Variants in LARGE1 observed in about 807,000 individuals in gnomAD.
LARGE1 encodes the protein xylosyl- and glucuronyltransferase LARGE1.
Under a neutral mutation model 87.6 loss-of-function variants are expected in LARGE1, and 43 were observed. That is an observed-to-expected ratio of 0.49 (90% CI 0.38 to 0.63). The LOEUF is 0.63. LARGE1 is among the 30% of genes least tolerant of loss of function. The pLI is 0.00. For missense variants in LARGE1, 802 were observed against 1,000.2 expected (o/e 0.80, Z 2.67); for synonymous variants, 434 against 394.6 (o/e 1.10, Z -1.18).
At chr22:33,433,775 C>A (rs902434981) in intron 6 of LARGE1, among the ~76,000 whole-genome samples, 6 of 152,098 alleles carry the variant, frequency 3.9e-5, no homozygotes, top group African/African-American at 1.4e-4. Flanking sequence ...CCTTTCTGAC[C>A]AAATGGAAGC....
chr22:33,651,223 T>TAAAAAAAAA (rs1371688457), intron 2 of LARGE1, among the ~76,000 whole-genome samples: 1 of 17,146 alleles, frequency 5.8e-5, no homozygotes, highest in Non-Finnish European at 1.1e-4. Context: ...CTACTAAAAA[T>TAAAAAAAAA]ACAAAAAAAA....
At chr22:33,630,998 G>A (rs146641295) in intron 3 of LARGE1, among the ~76,000 whole-genome samples, 3,268 of 151,856 alleles carry the variant, frequency 0.022, 96 homozygotes, top group African/African-American at 0.071. Flanking sequence ...GACTACAGGC[G>A]CCTGCCACCA....
At chr22:33,714,013 TAAC>T (rs2082835033) in intron 2 of LARGE1, among the ~76,000 whole-genome samples, 3 of 151,480 alleles carry the variant, frequency 2.0e-5, no homozygotes, top group African/African-American at 7.3e-5. Flanking sequence ...TAACATAACA[TAAC>T]ATAACATAAC....
At chr22:33,134,345 G>T in the LARGE1 span, among the ~76,000 whole-genome samples, 3 of 145,212 alleles carry the variant, frequency 2.1e-5, no homozygotes, top group African/African-American at 2.6e-5. Context: ...TGCAAGCTCC[G>T]CCTCCCGGGT....
At chr22:33,191,564 G>T (rs1449108979) in intron 11 of LARGE1, among the ~76,000 whole-genome samples, 1 of 152,150 alleles carries the variant, frequency 6.6e-6, no homozygotes, top group African/African-American at 2.4e-5. Context: ...ACTAAAAGGA[G>T]ACCTCAGATT....
intron 7 of LARGE1, among the ~76,000 whole-genome samples, chr22:33,403,036 T>C (rs1405211901): frequency 6.7e-6 from 1 of 150,168 alleles, no homozygotes; most frequent in Non-Finnish European, 1.5e-5. Context: ...CTTACAGGGC[T>C]ATGGCTGTAA....
intron 9 of LARGE1, among the ~76,000 whole-genome samples, chr22:33,339,379 C>T (rs1039070586): frequency 2.0e-5 from 3 of 151,346 alleles, no homozygotes; most frequent in Non-Finnish European, 2.9e-5. Flanking sequence ...GCACAAGGGG[C>T]GGAAAAATGT....
intron 9 of LARGE1, among the ~76,000 whole-genome samples, chr22:33,354,806 C>G (rs1442147334): frequency 6.6e-6 from 1 of 152,130 alleles, no homozygotes; most frequent in Non-Finnish European, 1.5e-5. Context: ...CCATTAAATT[C>G]TAGTATTTGT....
intron 1 of LARGE1, among the ~76,000 whole-genome samples, chr22:33,918,901 C>G (rs2065862369): frequency 7.5e-6 from 1 of 133,086 alleles, no homozygotes; most frequent in Non-Finnish European, 1.6e-5. Flanking sequence ...GAAGCAGGAG[C>G]CTGATCTCCC....
chr22:33,092,915 A>T, the LARGE1 span, among the ~76,000 whole-genome samples: 2 of 152,152 alleles, frequency 1.3e-5, no homozygotes. Flanking sequence ...GCTATTGTGA[A>T]TAGTGCTGCA....
intron 6 of LARGE1, among the ~76,000 whole-genome samples, chr22:33,454,865 G>T (rs773810386): frequency 6.6e-6 from 1 of 152,158 alleles, no homozygotes; most frequent in South Asian, 2.1e-4. Context: ...AGCATGAAAC[G>T]GATGGTGCTA....
At chr22:33,510,430 G>A (rs923838639) in intron 6 of LARGE1, among the ~76,000 whole-genome samples, 1 of 152,180 alleles carries the variant, frequency 6.6e-6, no homozygotes, top group Non-Finnish European at 1.5e-5. Flanking sequence ...AAAAAGTGGA[G>A]GTAAAATTGG....
chr22:33,337,052 C>T (rs1938541378), intron 10 of LARGE1, among the ~76,000 whole-genome samples: 1 of 142,612 alleles, frequency 7.0e-6, no homozygotes, highest in East Asian at 2.0e-4. Context: ...CAGAGTGAAA[C>T]TCTGTCAAAA....
At chr22:33,639,234 C>G (rs1463464514) in intron 3 of LARGE1, among the ~76,000 whole-genome samples, 1 of 152,156 alleles carries the variant, frequency 6.6e-6, no homozygotes, top group East Asian at 1.9e-4. Context: ...GGACCTGAGT[C>G]TAAAAGAAAG....
At chr22:33,616,400 C>T (rs2079582249) in intron 4 of LARGE1, among the ~76,000 whole-genome samples, 1 of 151,994 alleles carries the variant, frequency 6.6e-6, no homozygotes, top group Non-Finnish European at 1.5e-5. Context: ...GGCATGGTGG[C>T]AGGCACCTGT....
intron 6 of LARGE1, among the ~76,000 whole-genome samples, chr22:33,488,204 A>C (rs550447878): frequency 6.6e-6 from 1 of 152,302 alleles, no homozygotes; most frequent in East Asian, 1.9e-4. Flanking sequence ...TAATTAATCA[A>C]ACTCGGATTA....
chr22:33,787,644 C>T (rs1221447843), intron 1 of LARGE1, among the ~76,000 whole-genome samples: 3 of 152,120 alleles, frequency 2.0e-5, no homozygotes, highest in Non-Finnish European at 4.4e-5. Context: ...CAAATATTTA[C>T]ATCAGCCTTA....
At chr22:33,329,860 A>G (rs1268971882) in intron 10 of LARGE1, among the ~76,000 whole-genome samples, 1 of 152,142 alleles carries the variant, frequency 6.6e-6, no homozygotes, top group Non-Finnish European at 1.5e-5. Flanking sequence ...ATGATAAAGC[A>G]TCACCCTACA....
intron 11 of LARGE1, among the ~76,000 whole-genome samples, chr22:33,253,211 G>A (rs1282258438): frequency 6.6e-6 from 1 of 152,210 alleles, no homozygotes; most frequent in Non-Finnish European, 1.5e-5. Flanking sequence ...TTATAGGGTT[G>A]TTGTGACAAT....
Sources: allele counts gnomAD v4.1 joint callset (sites outside exome capture counted in the v4.1 genomes callset), GRCh38; gene constraint gnomAD v4.1.1; transcripts MANE v1.5; gene names NCBI Gene and HGNC (gene_info 2026-07-23, HGNC 2026-07-21).